Variants in MAP4K4 observed in about 807,000 individuals in gnomAD.
The protein encoded by MAP4K4 is mitogen-activated protein kinase kinase kinase kinase 4, also known as HPK/GCK-like kinase HGK.
In MAP4K4, 38 loss-of-function variants were observed where a neutral mutation model predicts 189.6. The observed-to-expected ratio is 0.20, with a 90% CI of 0.15 to 0.26. MAP4K4 has a LOEUF of 0.26. Ranked by LOEUF, MAP4K4 falls within the 10% of genes least tolerant of loss-of-function variation. MAP4K4 has a pLI of 1.00. For synonymous variants in MAP4K4, 610 were observed against 624.3 expected (o/e 0.98, Z 0.34); for missense variants, 1,054 against 1,726.9 (o/e 0.61, Z 6.91).
At chr2:101,723,105 C>T (rs763110397) in intron 2 of MAP4K4, among the ~76,000 whole-genome samples, 11 of 152,168 alleles carry the variant, frequency 7.2e-5, no homozygotes, top group African/African-American at 9.7e-5. Flanking sequence ...CTTACAAAAC[C>T]GCCAGATCTT....
intron 2 of MAP4K4, among the ~76,000 whole-genome samples, chr2:101,713,595 TAA>T (rs35743081): frequency 0.39 from 45,851 of 117,256 alleles, 7,732 homozygotes; most frequent in South Asian, 0.52. Flanking sequence ...AGACCTTGTC[TAA>T]AAAAAAAAAA....
intron 12 of MAP4K4, 127 bp from the exon 13 acceptor site, chr2:101,855,850 A>G (rs946106478): frequency 2.5e-6 from 2 of 811,640 alleles, no homozygotes; most frequent in Non-Finnish European, 3.8e-6. Flanking sequence ...ATAATTGGCC[A>G]GTAGATATGG....
intron 20 of MAP4K4, chr2:101,867,654 A>G (rs2149982298): frequency 2.9e-6 from 1 of 348,178 alleles, no homozygotes; most frequent in Non-Finnish European, 5.2e-6. Context: ...CAAAAGAAAG[A>G]AAAGCCTTTT....
chr2:101,742,416 C>T (rs956425399), intron 2 of MAP4K4, among the ~76,000 whole-genome samples: 2 of 152,122 alleles, frequency 1.3e-5, no homozygotes, highest in South Asian at 4.1e-4. Context: ...CTCTTTCCTG[C>T]TCCTTGGCTT....
chr2:101,793,844 T>G (rs2148859143), intron 3 of MAP4K4, among the ~76,000 whole-genome samples: 1 of 152,222 alleles, frequency 6.6e-6, no homozygotes, highest in Admixed American at 6.5e-5. Flanking sequence ...TGCAAAGATG[T>G]GGGCCCACTT....
chr2:101,725,821 C>G (rs1039064279), intron 2 of MAP4K4, among the ~76,000 whole-genome samples: 10 of 152,214 alleles, frequency 6.6e-5, no homozygotes, highest in African/African-American at 2.2e-4. Flanking sequence ...ACATCATGGT[C>G]TCACATGGCA....
At chr2:101,728,813 C>T (rs2149539997) in intron 2 of MAP4K4, among the ~76,000 whole-genome samples, 1 of 152,316 alleles carries the variant, frequency 6.6e-6, no homozygotes, top group Middle Eastern at 3.4e-3. Flanking sequence ...GCCACCGTGC[C>T]CGACAGATCC....
chr2:101,737,457 ATATATTTTTTTTTT>A (rs1184625551), intron 2 of MAP4K4, among the ~76,000 whole-genome samples: 27 of 34,698 alleles, frequency 7.8e-4, no homozygotes, highest in African/African-American at 4.2e-3. Flanking sequence ...ATATATATAT[ATATATTTTTTTTTT>A]TTTTTTTTTT....
At chr2:101,755,886 T>A (rs764737448) in intron 2 of MAP4K4, among the ~76,000 whole-genome samples, 1 of 151,872 alleles carries the variant, frequency 6.6e-6, no homozygotes, top group African/African-American at 2.4e-5. Flanking sequence ...TACTGTGTTT[T>A]GATGCATGCG....
At chr2:101,865,099 C>T in intron 18 of MAP4K4, 63 bp downstream of exon 18, 1 of 1,017,016 alleles carries the variant, frequency 9.8e-7, no homozygotes, top group Non-Finnish European at 1.5e-6. Context: ...CTTACATTGT[C>T]TGTTTCATAA....
intron 2 of MAP4K4, among the ~76,000 whole-genome samples, chr2:101,728,561 G>GGGTGCAGT (rs1439913482): frequency 1.4e-4 from 22 of 152,184 alleles, no homozygotes; most frequent in Non-Finnish European, 2.4e-4. Context: ...ACCCAGGCTG[G>GGGTGCAGT]GGTGCAGTGG....
At chr2:101,841,223 A>G (rs971532848) in intron 10 of MAP4K4, among the ~76,000 whole-genome samples, 3 of 152,180 alleles carry the variant, frequency 2.0e-5, no homozygotes, top group Admixed American at 1.3e-4. Context: ...TTTACCTTCC[A>G]GATACCATTA....
At position 101,838,852 on chromosome 2, in the gene MAP4K4, C is replaced by T. The variant is rs191485757; in HGVS notation, c.774-967C>T. On this transcript the variant is annotated intron_variant, in intron 9 of 32. Coordinates refer to ENST00000324219, the Ensembl canonical transcript of MAP4K4. ...TTTTCTAACTCACATTTTTAAAGAC[C>T]GAAGAATACCTCATTCATTCAACAA... is the stretch of plus-strand genomic sequence containing the variant. Among the ~76,000 whole-genome samples the T allele has an allele frequency of 4.6e-5, 7 of 152,120 alleles. No individual in the cohort carries two copies. In the East Asian group the frequency reaches 7.8e-4, roughly 17 times the overall value.
At chr2:101,885,908 G>T (rs2098473378) in intron 29 of MAP4K4, among the ~76,000 whole-genome samples, 1 of 152,130 alleles carries the variant, frequency 6.6e-6, no homozygotes, top group Non-Finnish European at 1.5e-5. Context: ...TTTCATTTGT[G>T]AGTTCACAAA....
At chr2:101,887,965 T>G in intron 31 of MAP4K4, 28 bp downstream of exon 31, 1 of 1,555,822 alleles carries the variant, frequency 6.4e-7, no homozygotes, top group Middle Eastern at 1.7e-4. Flanking sequence ...AAAGGCAGCA[T>G]TTGTGAAAAT....
At chr2:101,794,665 G>A (rs929591855) in intron 3 of MAP4K4, among the ~76,000 whole-genome samples, 3 of 152,072 alleles carry the variant, frequency 2.0e-5, no homozygotes, top group African/African-American at 7.2e-5. Flanking sequence ...CTAATGTTCA[G>A]CCTACATTCA....
rs1186445945 is a variant in MAP4K4 at position 101,871,688 on chromosome 2, A to G, written c.2952+3A>G. ...AGGACAAGCTCACTGCTAATGAGGT[A>G]TGTCTCGCACCACAGCTGGCTGCTT... On this transcript the variant is annotated splice_donor_region_variant and intron_variant, in intron 24 of 32. Transcript: ENST00000324219. The G allele has an allele frequency of 6.5e-7, 1 of 1,536,094 alleles. No individual in the cohort carries two copies. Among genetic ancestry groups the G allele is most frequent in the Non-Finnish European group, 8.7e-7 (1 of 1,146,644 alleles).
chr2:101,764,742 A>G (rs1009281305), intron 2 of MAP4K4, among the ~76,000 whole-genome samples: 14 of 152,174 alleles, frequency 9.2e-5, no homozygotes, highest in African/African-American at 3.4e-4. Flanking sequence ...AACCTAGAGT[A>G]ATATAACCAA....
chr2:101,789,442 G>A (rs1299111787), intron 2 of MAP4K4, among the ~76,000 whole-genome samples: 6 of 152,130 alleles, frequency 3.9e-5, no homozygotes, highest in Non-Finnish European at 5.9e-5. Context: ...TATGAAGTGG[G>A]CACTACTATG....
Sources: allele counts gnomAD v4.1 joint callset (sites outside exome capture counted in the v4.1 genomes callset), GRCh38; gene constraint gnomAD v4.1.1; transcripts MANE v1.5; gene names NCBI Gene and HGNC (gene_info 2026-07-23, HGNC 2026-07-21).